The following PADI2 variants were observed in gnomAD, a reference collection of about 807,000 sequenced individuals.
PADI2 encodes protein-arginine deiminase type-2.
A neutral mutation model predicts 81.1 loss-of-function variants in PADI2; 70 were observed. That is an observed-to-expected ratio of 0.86 (90% CI 0.71 to 1.05). The LOEUF (loss-of-function observed/expected upper bound fraction) is 1.05. Among genes scored for constraint, PADI2 ranks in the 50% least tolerant of loss-of-function variants. The pLI is 0.00. For missense variants in PADI2, 853 were observed against 889.9 expected, an observed-to-expected ratio of 0.96 and a Z score of 0.53; for synonymous variants, 338 against 358.0, an observed-to-expected ratio of 0.94 and a Z score of 0.63.
In PADI2 at chr1:17,075,674, C is replaced by T; in HGVS notation, c.1455+5G>A. On this transcript the variant is annotated splice_donor_5th_base_variant and intron_variant, in intron 12 of 15. Coordinates refer to ENST00000375486, the MANE Select transcript of PADI2 (RefSeq NM_007365.3). ...ATTCACTCCAGCCTCGGGAGGCTAG[C>T]TTACCTTTGTGCCGGGGATGGGGAC... is the stretch of plus-strand genomic sequence containing the variant. 1 of 1,609,972 alleles carries T rather than the reference C, an allele frequency of 6.2e-7. No homozygotes were observed. Among genetic ancestry groups the T allele is most frequent in the South Asian group, 1.1e-5 (1 of 90,746 alleles).
At chr1:17,104,724 C>T (rs950207316) in intron 2 of PADI2, among the ~76,000 whole-genome samples, 154 bp downstream of exon 2, 7 of 152,278 alleles carry the variant, frequency 4.6e-5, no homozygotes, top group African/African-American at 7.2e-5. Flanking sequence ...TGAGCTACTG[C>T]GCCCGGCCTC....
intron 2 of PADI2, 90 bp downstream of exon 2, chr1:17,104,788 G>T: frequency 1.8e-6 from 2 of 1,111,394 alleles, no homozygotes; most frequent in Non-Finnish European, 2.5e-6. Flanking sequence ...CATGGCCCAC[G>T]TGCAGTTTCT....
In PADI2 at chr1:17,069,158, T is replaced by C; in HGVS notation, c.1884A>G (p.Glu628=). 4 of 1,614,198 alleles carry C rather than the reference T, an allele frequency of 2.5e-6. No individual in the cohort carries two copies. The highest frequency in any genetic ancestry group is 2.5e-6 in the Non-Finnish European group (3 of 1,180,016). ...VRGLLEPLGL[E]CTFIDDISAY... is the part of the protein sequence containing the mutation. ...CAGAAATGTCGTCGATGAAGGTGCATTCGAGGCCCAGGGGCTCCAGGAGGC... is the reference window on the plus strand; with the variant it reads ...CAGAAATGTCGTCGATGAAGGTGCACTCGAGGCCCAGGGGCTCCAGGAGGC... The change falls in exon 16 of 16, where the codon GAA becomes GAG. Residue 628 remains glutamate, a synonymous_variant. Transcript: ENST00000375486.
At chr1:17,075,040 C>T in intron 12 of PADI2, 91 bp from the exon 13 acceptor site, 1 of 730,198 alleles carries the variant, frequency 1.4e-6, no homozygotes. Context: ...CAGTGCCTTG[C>T]CTGCTCATTG....
intron 4 of PADI2, among the ~76,000 whole-genome samples, chr1:17,094,144 C>A (rs1019822609): frequency 6.6e-6 from 1 of 152,182 alleles, no homozygotes; most frequent in East Asian, 1.9e-4. Flanking sequence ...CATAGCACTA[C>A]TAGAACAAAC....
chr1:17,079,453 G>C (rs1186646880), intron 10 of PADI2, 38 bp from the exon 11 acceptor site: 1 of 1,575,918 alleles, frequency 6.3e-7, no homozygotes, highest in Admixed American at 1.7e-5. Context: ...GTCTTCTGCA[G>C]CCAGGGTCCT....
At position 17,103,017 on chromosome 1, in the gene PADI2, C is replaced by T. The variant is rs772874568; in HGVS notation, c.319G>A (p.Asp107Asn). 15 of 1,613,396 alleles carry T rather than the reference C, an allele frequency of 9.3e-6. No homozygotes were observed. Among genetic ancestry groups the T allele is most frequent in the African/African-American group, 8.0e-5 (6 of 74,900 alleles). ...YYDEEGSIPI[D>N]QAGLFLTAIE... is the part of the protein sequence containing the mutation. ...GCTGTGAGGAAGAGCCCCGCCTGGT[C>T]GATGGGAATGCTCCCTTCCTCGTCA... Residue 107 changes from aspartate (D) to asparagine (N), a missense_variant, in exon 3 of 16, where the codon GAC (aspartate) becomes AAC (asparagine). Coordinates refer to ENST00000375486, the MANE Select transcript of PADI2 (RefSeq NM_007365.3).
At chr1:17,084,168 A>C (rs758473401) in intron 8 of PADI2, among the ~76,000 whole-genome samples, 4 of 152,224 alleles carry the variant, frequency 2.6e-5, no homozygotes, top group Non-Finnish European at 5.9e-5. Context: ...TGAGGACCCC[A>C]AGGGTCCCTT....
At position 17,115,190 on chromosome 1, in the gene PADI2, T is replaced by G. The variant is rs140116459; in HGVS notation, c.92+4090A>C. Among the ~76,000 whole-genome samples the G allele has an allele frequency of 3.3e-5, 5 of 152,234 alleles. No homozygotes were observed. The South Asian group carries it at 1.0e-3, about 32-fold the overall frequency. The stretch of plus-strand genomic sequence containing the variant: ...CGAGTTATGGGCAAATTATTACTAT[T>G]TACTTGATATTACTAGCTGACATTT... On this transcript the variant is annotated intron_variant, in intron 1 of 15. Transcript: ENST00000375486. This position sits in a 1 kb window ranked among gnomAD's most constrained non-coding sequence, Gnocchi z 4.1.
In PADI2 at chr1:17,092,721, G is replaced by C. The variant is rs1351379974; in HGVS notation, c.530-188C>G. Reference sequence around the variant, plus strand: ...CCCAGTGCTTTGGGAGGTTGAGGTGGGTGGATCACTTAAGGCCAGGAGACA... The same window carrying C: ...CCCAGTGCTTTGGGAGGTTGAGGTGCGTGGATCACTTAAGGCCAGGAGACA... On this transcript the variant is annotated intron_variant, in intron 5 of 15. Transcript: ENST00000375486. Among the ~76,000 whole-genome samples, 3 of 151,758 alleles carry C rather than the reference G, an allele frequency of 2.0e-5. No homozygotes were observed. In the East Asian group the frequency reaches 5.8e-4, roughly 30 times the overall value.
intron 3 of PADI2, among the ~76,000 whole-genome samples, chr1:17,097,509 G>A (rs1279020602): frequency 2.0e-5 from 3 of 152,124 alleles, no homozygotes; most frequent in East Asian, 1.9e-4. Context: ...TCCTCCCTCC[G>A]ATCGCATTCA....
At chr1:17,114,650 C>T (rs1031518555) in intron 1 of PADI2, among the ~76,000 whole-genome samples, 2 of 139,764 alleles carry the variant, frequency 1.4e-5, no homozygotes, top group African/African-American at 3.3e-5. Flanking sequence ...AGAAGTTGTG[C>T]AAAGAAAAAA....
chr1:17,114,819 G>A (rs1931704467), intron 1 of PADI2, among the ~76,000 whole-genome samples: 1 of 152,182 alleles, frequency 6.6e-6, no homozygotes, highest in South Asian at 2.1e-4. Context: ...AGAGGGAACA[G>A]CAACTGCAAA....
chr1:17,091,619 C>T (rs1004102578), intron 6 of PADI2, among the ~76,000 whole-genome samples: 1 of 152,108 alleles, frequency 6.6e-6, no homozygotes, highest in Non-Finnish European at 1.5e-5. Context: ...ACTCTTCCCT[C>T]AGCTCACGAG....
chr1:17,119,224 T>A lies in PADI2; in HGVS notation c.92+56A>T. ...GTCCACGTCCCCGAGTCTGAGCGCG[T>A]CTCAGGATTTCTGGGCTCGAGATCT... On this transcript the variant is annotated intron_variant, in intron 1 of 15. Coordinates refer to ENST00000375486, the MANE Select transcript of PADI2 (RefSeq NM_007365.3). This position sits in a 1 kb window ranked among gnomAD's most constrained non-coding sequence, Gnocchi z 4.8. 8.0e-7 allele frequency: 1 copy of A among 1,250,048 alleles called. No homozygotes were observed. The highest frequency in any genetic ancestry group is 1.4e-5 in the South Asian group (1 of 73,574). The allele number at this position is 1,250,048 out of a possible 1,614,324, so 77.4% of individuals were successfully genotyped here. A position where few individuals can be genotyped will look rare whatever the true frequency, so the allele number is the denominator to read the frequency against.
At chr1:17,110,268 G>A (rs962522193) in intron 1 of PADI2, among the ~76,000 whole-genome samples, 1 of 152,110 alleles carries the variant, frequency 6.6e-6, no homozygotes. Flanking sequence ...GGGCTTGGGG[G>A]TGGTTATGAC....
At chr1:17,113,229 A>G (rs185699003) in intron 1 of PADI2, among the ~76,000 whole-genome samples, 43 of 150,440 alleles carry the variant, frequency 2.9e-4, no homozygotes, top group Admixed American at 2.6e-3. Flanking sequence ...ATACTAATAC[A>G]TAACAACTTA....
chr1:17,093,746 C>G, intron 4 of PADI2, 62 bp from the exon 5 acceptor site: 2 of 986,780 alleles, frequency 2.0e-6, no homozygotes, highest in Non-Finnish European at 3.2e-6. Context: ...CCCCATGGGA[C>G]ACTGGAGAGA....
rs1445488070 is a variant in PADI2, at chr1:17,090,754, G to C, written c.655+1654C>G. ...AGAGGCTCCAAGGGACGTTCTCAAA[G>C]CCCTTGTGGTAGTAGTTCCTCTTTT... is the stretch of plus-strand genomic sequence containing the variant. On this transcript the variant is annotated intron_variant, in intron 6 of 15. Coordinates refer to ENST00000375486, the MANE Select transcript of PADI2 (RefSeq NM_007365.3). 2.6e-5 allele frequency among the ~76,000 whole-genome samples: 4 copies of C among 152,014 alleles called. No homozygotes were observed. In the East Asian group the frequency reaches 7.7e-4, roughly 29 times the overall value.
Sources: gnomAD v4.1 joint callset for allele counts (sites outside exome capture counted in the v4.1 genomes callset) on GRCh38, gnomAD v4.1.1 for gene constraint, Gnocchi (gnomAD v3.1) non-coding constraint, MANE v1.5 for transcripts, NCBI Gene and HGNC (gene_info 2026-07-23, HGNC 2026-07-21) for gene names.